Variants in ASB7 observed in about 807,000 individuals in gnomAD.
ASB7 encodes the protein ankyrin repeat and SOCS box protein 7.
Under a neutral mutation model 32.5 loss-of-function variants are expected in ASB7, and 4 were observed. That is an observed-to-expected ratio of 0.12 (90% confidence interval 0.06 to 0.28). ASB7 has a LOEUF of 0.28. Among genes scored for constraint, ASB7 ranks in the 10% least tolerant of loss-of-function variants. The pLI, the probability that ASB7 is intolerant of heterozygous loss-of-function variation, is 1.00. For missense variants in ASB7, 181 were observed against 407.1 expected, an observed-to-expected ratio of 0.44 and a Z score of 4.78; for synonymous variants, 172 against 155.6, an observed-to-expected ratio of 1.11 and a Z score of -0.78.
intron 5 of ASB7, among the ~76,000 whole-genome samples, chr15:100,636,740 C>T (rs1247777139): frequency 6.6e-6 from 1 of 152,190 alleles, no homozygotes; most frequent in Admixed American, 6.5e-5. Context: ...TGATTTAAAA[C>T]AAAACAAAAA....
intron 5 of ASB7, among the ~76,000 whole-genome samples, chr15:100,642,815 T>A (rs143036064): frequency 0.036 from 5,476 of 152,314 alleles, 183 homozygotes; most frequent in East Asian, 0.17. Context: ...GGCAGGCAGA[T>A]CACCTGATGT....
chr15:100,616,267 C>A (rs953024814), intron 4 of ASB7, among the ~76,000 whole-genome samples: 1 of 151,540 alleles, frequency 6.6e-6, no homozygotes, highest in African/African-American at 2.4e-5. Context: ...TTTATATATT[C>A]TCCTTTGTTA....
intron 2 of ASB7, among the ~76,000 whole-genome samples, chr15:100,606,181 A>G (rs1187123209): frequency 7.2e-6 from 1 of 139,452 alleles, no homozygotes; most frequent in Non-Finnish European, 1.6e-5. Flanking sequence ...AATGTGAACC[A>G]TTGAAGGATT....
chr15:100,645,470 C>T (rs1159940207), intron 5 of ASB7: 2 of 515,880 alleles, frequency 3.9e-6, no homozygotes, highest in Non-Finnish European at 7.3e-6. Flanking sequence ...ATCTGCTCCT[C>T]CACTCGGAAG....
rs2141399848 is a variant in ASB7, at chr15:100,629,575, G to T, written c.350G>T (p.Gly117Val). 6.2e-7 allele frequency: 1 copy of T among 1,614,208 alleles called. No homozygotes were observed. Among genetic ancestry groups the T allele is most frequent in the Admixed American group, 1.7e-5 (1 of 60,028 alleles). Residue 117 changes from glycine (G) to valine (V), a missense_variant, in exon 5 of 6, where the codon GGC becomes GTC. Gly to Val is a moderately radical substitution (Grantham distance 109). Transcript: ENST00000332783. The surrounding 1 kb of genome is among the most constrained non-coding windows in gnomAD (Gnocchi z 6.8). The part of the protein sequence containing the change: ...SDIINAKSND[G>V]WTPLHVAAHY... ...ATCATTAATGCAAAAAGCAATGACG[G>T]CTGGACTCCCCTCCATGTGGCTGCC...
At chr15:100,624,341 A>G (rs2039819023) in intron 4 of ASB7, among the ~76,000 whole-genome samples, 2 of 152,234 alleles carry the variant, frequency 1.3e-5, no homozygotes, top group East Asian at 1.9e-4. Flanking sequence ...TAAATGCTCA[A>G]GGTGATGATG....
At chr15:100,610,648 A>G (rs908809702) in intron 3 of ASB7, among the ~76,000 whole-genome samples, 39 of 152,304 alleles carry the variant, frequency 2.6e-4, no homozygotes, top group Non-Finnish European at 4.7e-4. Flanking sequence ...ACAACATAGG[A>G]TATTTGTATT....
chr15:100,620,435 C>T (rs1374167518), intron 4 of ASB7, among the ~76,000 whole-genome samples: 1 of 152,206 alleles, frequency 6.6e-6, no homozygotes, highest in Admixed American at 6.5e-5. Flanking sequence ...GCTGCTTTAC[C>T]TTCAAGCATC....
chr15:100,606,656 T>G (rs12148836), intron 2 of ASB7, among the ~76,000 whole-genome samples: 27,876 of 152,174 alleles, frequency 0.18, 3,357 homozygotes, highest in Non-Finnish European at 0.27. Context: ...AAATTAGTAG[T>G]TTTTAATATG....
chr15:100,622,617 A>G (rs1272068934), intron 4 of ASB7, among the ~76,000 whole-genome samples: 1 of 152,232 alleles, frequency 6.6e-6, no homozygotes, highest in Non-Finnish European at 1.5e-5. Context: ...ACACAGACCA[A>G]TGGAACAGAG....
chr15:100,641,406 C>G (rs551459265), intron 5 of ASB7, among the ~76,000 whole-genome samples: 1 of 152,298 alleles, frequency 6.6e-6, no homozygotes, highest in South Asian at 2.1e-4. Flanking sequence ...ACAGTACTTA[C>G]CATAAGCAGT....
rs920734361 is a variant in ASB7 at position 100,603,295 on chromosome 15, A to T, written c.-192A>T. 1 of 300,950 alleles carries T rather than the reference A, an allele frequency of 3.3e-6. No homozygotes were observed. Among genetic ancestry groups the T allele is most frequent in the Non-Finnish European group, 6.1e-6 (1 of 164,580 alleles). 18.6% of individuals were successfully genotyped at this position (300,950 alleles called of 1,614,324 possible). ...AGAAGCAGAAGGCACAGTGCCTCTG[A>T]CCAGCATCGTCTGTAAAGGTAATGA... On this transcript the variant is annotated 5_prime_UTR_variant, in exon 2 of 6. Transcript: ENST00000332783.
chr15:100,630,201 TTGAC>T (rs939081060), intron 5 of ASB7, 159 bp downstream of exon 5: 32 of 1,348,886 alleles, frequency 2.4e-5, no homozygotes, highest in African/African-American at 1.8e-4. Flanking sequence ...AAAAAAAACT[TTGAC>T]TGTATCACAA....
intron 5 of ASB7, among the ~76,000 whole-genome samples, chr15:100,644,316 G>C (rs1043202853): frequency 3.9e-5 from 6 of 152,204 alleles, no homozygotes; most frequent in African/African-American, 1.4e-4. Flanking sequence ...TTTAAAGAAA[G>C]AAGATTCACA....
chr15:100,631,995 C>T (rs576868178), intron 5 of ASB7, among the ~76,000 whole-genome samples: 1 of 152,192 alleles, frequency 6.6e-6, no homozygotes, highest in Non-Finnish European at 1.5e-5. Context: ...CATGGAGGCA[C>T]GCAGCCACGT....
Position 100,612,582 on chromosome 15 carries a change from T to A in ASB7, c.211+155T>A, listed in dbSNP as rs1003273843. The A allele has an allele frequency of 4.0e-6, 3 of 744,230 alleles. No individual in the cohort carries two copies. In the African/African-American group the frequency reaches 5.3e-5, roughly 13 times the overall value. The allele number at this position is 744,230 out of a possible 1,614,324, so 46.1% of individuals were successfully genotyped here. A position where few individuals can be genotyped will look rare whatever the true frequency, so the allele number is the denominator to read the frequency against. ...GTGAAGATTTGCTATAAGTGTGCCTTTTTGTTTAAAACCAGATTGTTTAAA... is the reference window on the plus strand; with the variant it reads ...GTGAAGATTTGCTATAAGTGTGCCTATTTGTTTAAAACCAGATTGTTTAAA... On this transcript the variant is annotated intron_variant, in intron 4 of 5. Coordinates refer to ENST00000332783, the MANE Select transcript of ASB7 (RefSeq NM_198243.3).
intron 4 of ASB7, among the ~76,000 whole-genome samples, chr15:100,614,458 A>G (rs972284970): frequency 3.9e-5 from 6 of 152,218 alleles, no homozygotes; most frequent in Non-Finnish European, 8.8e-5. Flanking sequence ...AAGGCCAGAT[A>G]GTAAACATGA....
At chr15:100,621,018 G>GAA (rs1434095586) in intron 4 of ASB7, among the ~76,000 whole-genome samples, 7 of 152,126 alleles carry the variant, frequency 4.6e-5, no homozygotes, top group African/African-American at 1.7e-4. Flanking sequence ...ATGCACAGAA[G>GAA]AACGGTGAAA....
Position 100,603,239 on chromosome 15 carries a change from G to T in ASB7, c.-248G>T. ...GGTTTGAGCTGGCTGAAGAAGACGCGAAAGCAGGAAGAGGTCTGCCCACCT... is the reference window on the plus strand; with the variant it reads ...GGTTTGAGCTGGCTGAAGAAGACGCTAAAGCAGGAAGAGGTCTGCCCACCT... On this transcript the variant is annotated 5_prime_UTR_variant, in exon 2 of 6. Transcript: ENST00000332783. 5.4e-6 allele frequency: 2 copies of T among 371,884 alleles called. No individual in the cohort carries two copies. Among genetic ancestry groups the T allele is most frequent in the Admixed American group, 4.6e-5 (1 of 21,716 alleles). 23.0% of individuals were successfully genotyped at this position (371,884 alleles called of 1,614,324 possible). A position where few individuals can be genotyped will look rare whatever the true frequency, so the allele number is the denominator to read the frequency against.
Sources: allele counts gnomAD v4.1 joint callset (sites outside exome capture counted in the v4.1 genomes callset), GRCh38; gene constraint gnomAD v4.1.1; non-coding constraint Gnocchi (gnomAD v3.1); transcripts MANE v1.5; gene names NCBI Gene and HGNC (gene_info 2026-07-23, HGNC 2026-07-21).